The following TBC1D9 variants were observed in gnomAD, a reference collection of about 807,000 sequenced individuals.
The protein encoded by TBC1D9 is TBC1 domain family member 9A.
In TBC1D9, 63 loss-of-function variants were observed where a neutral mutation model predicts 132.0. The observed-to-expected ratio is 0.48, with a 90% CI of 0.39 to 0.59. The LOEUF is 0.59. TBC1D9 is among the 20% of genes least tolerant of loss of function. TBC1D9 has a pLI of 0.00. For missense variants in TBC1D9, 1,261 were observed against 1,592.7 expected (o/e 0.79, Z 3.54); for synonymous variants, 610 against 609.9 (o/e 1.00, Z 0.00).
At position 140,626,711 on chromosome 4, in the gene TBC1D9, T is replaced by G. The variant is rs138040465; in HGVS notation, c.2899+730A>C. ...AATTTGGAGACATATATGAGTTGAA[T>G]CACATCTTTGTAGACCTATCATCCA... On this transcript the variant is annotated intron_variant, in intron 18 of 20. Transcript: ENST00000442267. Among the ~76,000 whole-genome samples, 144 of 152,328 alleles carry G rather than the reference T, an allele frequency of 9.5e-4. 1 individual carries two copies. Among genetic ancestry groups the G allele is most frequent in the Non-Finnish European group, 1.6e-3 (109 of 68,036 alleles).
intron 1 of TBC1D9, among the ~76,000 whole-genome samples, chr4:140,714,781 A>G (rs551199478): frequency 1.3e-5 from 2 of 152,312 alleles, no homozygotes; most frequent in Admixed American, 1.3e-4. Context: ...GCTCTCTGTC[A>G]TGTGATGCTA....
Position 140,679,039 on chromosome 4 carries a change from C to A in TBC1D9, c.754G>T (p.Ala252Ser). 6.2e-7 allele frequency: 1 copy of A among 1,613,894 alleles called. No individual in the cohort carries two copies. Among genetic ancestry groups the A allele is most frequent in the African/African-American group, 1.3e-5 (1 of 75,018 alleles). Residue 252 changes from alanine to serine, a missense_variant, in exon 5 of 21, where the codon GCC (alanine) becomes TCC (serine). Coordinates refer to ENST00000442267, the MANE Select transcript of TBC1D9 (RefSeq NM_015130.3). ...TCATTGTCTAAGAGTTGCCTCATGG[C>A]TATGTTGGCAAGCTGCTCCATTAAC... is the stretch of plus-strand genomic sequence containing the variant. ...FKLMEQLANI[A>S]MRQLLDNEGF...
At chr4:140,746,939 G>A (rs1738845601) in intron 1 of TBC1D9, among the ~76,000 whole-genome samples, 1 of 152,130 alleles carries the variant, frequency 6.6e-6, no homozygotes, top group African/African-American at 2.4e-5. Flanking sequence ...GGCAGAGGCA[G>A]GAGGACTGCC....
chr4:140,628,082 C>T (rs1426268806), intron 17 of TBC1D9, among the ~76,000 whole-genome samples: 1 of 152,206 alleles, frequency 6.6e-6, no homozygotes, highest in African/African-American at 2.4e-5. Context: ...CTGCTCTTTT[C>T]TGTTACCACA....
Position 140,679,193 on chromosome 4 carries a change from G to A in TBC1D9, c.600C>T (p.Val200=), listed in dbSNP as rs1470485922. The A allele has an allele frequency of 6.2e-7, 1 of 1,612,862 alleles. No homozygotes were observed. ...SFLMGREAKL[V]IRWVDITQLE... is the part of the protein sequence containing the mutation. ...GCTGAGTGATGTCTACCCACCGGAT[G>A]ACCAGTTTCGCTGAGCACAAGGAAC... is the stretch of plus-strand genomic sequence containing the variant. The change falls in exon 5 of 21, where the codon GTC becomes GTT. Residue 200 remains valine (V), a synonymous_variant. Transcript: ENST00000442267.
intron 1 of TBC1D9, among the ~76,000 whole-genome samples, chr4:140,708,994 G>A (rs1474447262): frequency 6.6e-6 from 1 of 152,036 alleles, no homozygotes; most frequent in Non-Finnish European, 1.5e-5. Context: ...AATGGTGGGA[G>A]CAATTTTGTT....
intron 2 of TBC1D9, among the ~76,000 whole-genome samples, chr4:140,698,251 G>A (rs573244216): frequency 6.6e-6 from 1 of 152,230 alleles, no homozygotes; most frequent in African/African-American, 2.4e-5. Flanking sequence ...GGTTACACTG[G>A]TAAGTCTGTC....
At chr4:140,640,560 G>T (rs80232953) in intron 13 of TBC1D9, among the ~76,000 whole-genome samples, 6,327 of 152,102 alleles carry the variant, frequency 0.042, 377 homozygotes, top group African/African-American at 0.13. Flanking sequence ...ACATGAGGCC[G>T]TCTATCTTGC....
intron 2 of TBC1D9, among the ~76,000 whole-genome samples, chr4:140,690,556 A>G (rs1737861937): frequency 6.6e-6 from 1 of 151,876 alleles, no homozygotes; most frequent in Non-Finnish European, 1.5e-5. Flanking sequence ...GGCCTTTTGG[A>G]GTCATCGCCA....
intron 1 of TBC1D9, among the ~76,000 whole-genome samples, chr4:140,748,264 T>A (rs1264985598): frequency 1.3e-5 from 2 of 152,142 alleles, no homozygotes; most frequent in African/African-American, 2.4e-5. Context: ...CTGAACAGAT[T>A]AAATATAGTT....
In TBC1D9 at chr4:140,657,661, T is replaced by G; in HGVS notation, c.2073A>C (p.Ala691=). ...AGAAGAAACAGTCAACAACCACAAC[T>G]GCACTCTCAAAAGGCATCACACTGA... The part of the protein sequence containing the change: ...LFLSVMPFES[A]VVVVDCFFYE... Residue 691 remains alanine (A), a synonymous_variant, in exon 12 of 21, where the codon GCA becomes GCC. Coordinates refer to ENST00000442267, the MANE Select transcript of TBC1D9 (RefSeq NM_015130.3). 1 of 1,613,968 alleles carries G rather than the reference T, an allele frequency of 6.2e-7. No individual in the cohort carries two copies. The highest frequency in any genetic ancestry group is 2.2e-5 in the East Asian group (1 of 44,884).
chr4:140,643,785 T>C (rs1242800407), intron 13 of TBC1D9: 5 of 896,972 alleles, frequency 5.6e-6, no homozygotes, highest in Non-Finnish European at 3.5e-6. Context: ...CTCAGAGGGC[T>C]CGGTGCAGCC....
At chr4:140,644,848 A>T in intron 13 of TBC1D9, 1 of 426,620 alleles carries the variant, frequency 2.3e-6, no homozygotes, top group South Asian at 1.9e-5. Flanking sequence ...GGGAATGACC[A>T]ACAGCTGGCC....
chr4:140,676,786 C>T (rs1469476835), intron 6 of TBC1D9, 108 bp downstream of exon 6: 2 of 1,438,210 alleles, frequency 1.4e-6, no homozygotes, highest in African/African-American at 1.4e-5. Flanking sequence ...GACGCATGAA[C>T]ATTCACCTGT....
rs756151069 is a variant in TBC1D9 at position 140,624,193 on chromosome 4, G to T, written c.3001C>A (p.Arg1001Ser). The change falls in exon 20 of 21, where the codon CGT becomes AGT. Residue 1001 changes from arginine (R) to serine (S), a missense_variant. By Grantham distance (110) the Arg-to-Ser change is moderately radical. Coordinates refer to ENST00000442267, the MANE Select transcript of TBC1D9 (RefSeq NM_015130.3). ...KGKRANSQEN[R>S]NYLRLWTPEN... ...GGAGTCCACAGTCTCAAATAATTAC[G>T]ATTTTCTTGGGAATTTGCTCTCTTC... 12 of 1,611,598 alleles carry T rather than the reference G, an allele frequency of 7.4e-6. No individual in the cohort carries two copies. In the East Asian group the frequency reaches 2.2e-4, roughly 30 times the overall value.
chr4:140,628,334 C>T lies in TBC1D9; in HGVS notation c.2778G>A (p.Lys926=). Residue 926 remains lysine, a synonymous_variant, in exon 17 of 21, where the codon AAG becomes AAA. Transcript: ENST00000442267. ...SAACHGDLTE[K]LKLLYKMHVL... is the part of the protein sequence containing the mutation. Reference sequence around the variant, plus strand: ...CGTGCATTTTGTACAGGAGTTTGAGCTTCTCTGTGAGGTCCCCATGGCATG... The same window carrying T: ...CGTGCATTTTGTACAGGAGTTTGAGTTTCTCTGTGAGGTCCCCATGGCATG... 1 of 1,613,906 alleles carries T rather than the reference C, an allele frequency of 6.2e-7. No homozygotes were observed. The highest frequency in any genetic ancestry group is 8.5e-7 in the Non-Finnish European group (1 of 1,179,814).
intron 13 of TBC1D9, chr4:140,644,439 C>T (rs898615986): frequency 5.0e-5 from 15 of 297,254 alleles, no homozygotes; most frequent in Non-Finnish European, 1.0e-4. Flanking sequence ...GGGGGACGCG[C>T]GGGGCGATGG....
intron 2 of TBC1D9, among the ~76,000 whole-genome samples, chr4:140,687,331 G>GTGTT (rs1737796300): frequency 1.7e-5 from 2 of 120,340 alleles, no homozygotes; most frequent in African/African-American, 5.9e-5. Flanking sequence ...ATGTGTGTGT[G>GTGTT]TGTGTGTGTG....
chr4:140,740,103 A>T (rs1041827409), intron 1 of TBC1D9, among the ~76,000 whole-genome samples: 3 of 152,150 alleles, frequency 2.0e-5, no homozygotes, highest in Admixed American at 6.5e-5. Flanking sequence ...TTGCACCCAG[A>T]TATAAAGTAA....
Sources: gnomAD v4.1 joint callset for allele counts (sites outside exome capture counted in the v4.1 genomes callset) on GRCh38, gnomAD v4.1.1 for gene constraint, MANE v1.5 for transcripts, NCBI Gene and HGNC (gene_info 2026-07-23, HGNC 2026-07-21) for gene names.